Variants in UPF2 observed in about 807,000 individuals in gnomAD.
UPF2 encodes regulator of nonsense transcripts 2.
UPF2 carries 17 observed loss-of-function variants against 141.4 expected under a neutral mutation model. That is an observed-to-expected ratio of 0.12 (90% CI 0.08 to 0.18). UPF2 has a LOEUF of 0.18. UPF2 is among the 10% of genes least tolerant of loss of function. The pLI is 1.00. For missense variants in UPF2, 1,152 were observed against 1,515.9 expected (o/e 0.76, Z 3.99); for synonymous variants, 540 against 498.0 (o/e 1.08, Z -1.12).
chr10:12,012,546 G>T (rs549869011), intron 4 of UPF2, among the ~76,000 whole-genome samples: 68 of 151,604 alleles, frequency 4.5e-4, no homozygotes, highest in South Asian at 3.1e-3. Flanking sequence ...TTGGGAGGCC[G>T]AGGTGTACCT....
At chr10:12,031,883 A>T (rs1186076225) in intron 2 of UPF2, among the ~76,000 whole-genome samples, 1 of 152,236 alleles carries the variant, frequency 6.6e-6, no homozygotes, top group Non-Finnish European at 1.5e-5. Context: ...ATTAAAAGCT[A>T]CAATATATTA....
At chr10:12,000,449 A>G (rs1833933860) in intron 6 of UPF2, among the ~76,000 whole-genome samples, 1 of 152,156 alleles carries the variant, frequency 6.6e-6, no homozygotes, top group Non-Finnish European at 1.5e-5. Flanking sequence ...TAAAGCCAAC[A>G]GAGAGAAAAG....
intron 12 of UPF2, among the ~76,000 whole-genome samples, chr10:11,958,720 CCT>C (rs910541376): frequency 1.5e-3 from 234 of 152,174 alleles, no homozygotes; most frequent in African/African-American, 4.9e-3. Context: ...GAAATTAACC[CCT>C]GTTGAGAATC....
At chr10:11,973,047 T>G (rs1207649342) in intron 9 of UPF2, among the ~76,000 whole-genome samples, 2 of 152,206 alleles carry the variant, frequency 1.3e-5, no homozygotes, top group Non-Finnish European at 2.9e-5. Context: ...CAGCACCTGT[T>G]GTTTCCTGAC....
chr10:12,013,192 A>G (rs1834161917), intron 4 of UPF2, among the ~76,000 whole-genome samples: 1 of 151,946 alleles, frequency 6.6e-6, no homozygotes, highest in Non-Finnish European at 1.5e-5. Flanking sequence ...TTCACAGTAT[A>G]CAATAGGTAT....
chr10:11,957,258 A>T (rs1472947950), intron 12 of UPF2, among the ~76,000 whole-genome samples: 1 of 151,776 alleles, frequency 6.6e-6, no homozygotes, highest in African/African-American at 2.4e-5. Flanking sequence ...GCAAAACCCC[A>T]TCTCTACTGA....
At chr10:11,982,125 T>C (rs1412450761) in intron 8 of UPF2, among the ~76,000 whole-genome samples, 5 of 152,248 alleles carry the variant, frequency 3.3e-5, no homozygotes, top group African/African-American at 1.2e-4. Flanking sequence ...AAATTTTAGT[T>C]AGAATATTAA....
intron 4 of UPF2, among the ~76,000 whole-genome samples, chr10:12,012,013 A>T (rs893832608): frequency 2.0e-5 from 3 of 152,110 alleles, no homozygotes; most frequent in Non-Finnish European, 2.9e-5. Flanking sequence ...CTTAAATTTC[A>T]GTATGACAAT....
intron 1 of UPF2, among the ~76,000 whole-genome samples, chr10:12,041,567 T>C (rs553912025): frequency 6.6e-6 from 1 of 152,308 alleles, no homozygotes; most frequent in Non-Finnish European, 1.5e-5. Flanking sequence ...CCTTGCAAAG[T>C]ACCATATGGA....
chr10:11,978,611 C>T (rs533550537), intron 9 of UPF2, among the ~76,000 whole-genome samples: 3 of 152,172 alleles, frequency 2.0e-5, no homozygotes, highest in African/African-American at 7.2e-5. Context: ...GAAACACAGG[C>T]TATGGCAGCA....
At chr10:12,035,566 T>C in intron 1 of UPF2, 125 bp from the exon 2 acceptor site, 1 of 988,356 alleles carries the variant, frequency 1.0e-6, no homozygotes, top group Non-Finnish European at 1.4e-6. Flanking sequence ...TAAAGGCAGG[T>C]AAAATGAATA....
intron 2 of UPF2, among the ~76,000 whole-genome samples, chr10:12,033,219 A>AAAAG (rs1427245883): frequency 9.2e-5 from 14 of 152,116 alleles, no homozygotes; most frequent in Admixed American, 3.3e-4. Flanking sequence ...ACTTAGAAAA[A>AAAAG]AAAGAAAGAC....
At chr10:11,997,800 A>G in intron 7 of UPF2, 43 bp from the exon 8 acceptor site, 1 of 1,537,278 alleles carries the variant, frequency 6.5e-7, no homozygotes, top group South Asian at 1.1e-5. Flanking sequence ...ACCTCTAATT[A>G]GTTACGGAGA....
In UPF2 at chr10:11,956,471, T is replaced by A; in HGVS notation, c.2423A>T (p.Tyr808Phe). ...LPWQDQEVKD[Y>F]VICCMINIWN... ...GATGTTTATCATACAACAAATAACA[T>A]AGTCTTTCACTTCTTGGTCCTGCCA... Residue 808 changes from tyrosine to phenylalanine, a missense_variant, in exon 13 of 22, where the codon TAT becomes TTT. Tyr to Phe is a conservative substitution (Grantham distance 22). Transcript: ENST00000357604. This position sits in a 1 kb window ranked among gnomAD's most constrained non-coding sequence, Gnocchi z 4.2. The A allele has an allele frequency of 6.2e-7, 1 of 1,614,050 alleles. No homozygotes were observed. The highest frequency in any genetic ancestry group is 8.5e-7 in the Non-Finnish European group (1 of 1,179,934).
intron 3 of UPF2, chr10:12,026,535 C>A: frequency 4.8e-6 from 2 of 418,466 alleles, no homozygotes; most frequent in South Asian, 1.8e-5. Context: ...ATGTCCTCTA[C>A]TGGTATTCCT....
chr10:11,997,538 A>G, intron 8 of UPF2, 134 bp downstream of exon 8: 1 of 646,212 alleles, frequency 1.5e-6, no homozygotes, highest in South Asian at 3.6e-5. Flanking sequence ...GTTCTAAAAA[A>G]TATGCTAATA....
At chr10:12,015,530 C>T (rs1564367302) in intron 3 of UPF2, among the ~76,000 whole-genome samples, 1 of 152,052 alleles carries the variant, frequency 6.6e-6, no homozygotes, top group South Asian at 2.1e-4. Context: ...GGCAAAACCT[C>T]GTCTCTACTA....
At position 11,980,964 on chromosome 10, in the gene UPF2, G is replaced by A. The variant is rs990481742; in HGVS notation, c.1845-1799C>T. On this transcript the variant is annotated intron_variant, in intron 8 of 21. Transcript: ENST00000357604. The surrounding 1 kb of genome is among the most constrained non-coding windows in gnomAD (Gnocchi z 4.2). Reference sequence around the variant, plus strand: ...GCACTTTGGCAGGCTGAGACAGGTGGATCACCTGAGGTGAGGAGTTCAAGA... The same window carrying A: ...GCACTTTGGCAGGCTGAGACAGGTGAATCACCTGAGGTGAGGAGTTCAAGA... Among the ~76,000 whole-genome samples, 2 of 152,078 alleles carry A rather than the reference G, an allele frequency of 1.3e-5. No individual in the cohort carries two copies. The highest frequency in any genetic ancestry group is 4.8e-5 in the African/African-American group (2 of 41,406).
chr10:11,927,718 T>A (rs1196714392), intron 21 of UPF2, among the ~76,000 whole-genome samples: 1 of 152,220 alleles, frequency 6.6e-6, no homozygotes, highest in African/African-American at 2.4e-5. Flanking sequence ...ATTTTTTTTT[T>A]AAATTATACT....
Sources: allele counts gnomAD v4.1 joint callset (sites outside exome capture counted in the v4.1 genomes callset), GRCh38; gene constraint gnomAD v4.1.1; non-coding constraint Gnocchi (gnomAD v3.1); transcripts MANE v1.5; gene names NCBI Gene and HGNC (gene_info 2026-07-23, HGNC 2026-07-21).